The following NELL2 variants were observed in gnomAD, a reference collection of about 807,000 sequenced individuals.
NELL2 encodes protein kinase C-binding protein NELL2.
Under a neutral mutation model 109.6 loss-of-function variants are expected in NELL2, and 41 were observed. That is an observed-to-expected ratio of 0.37 (90% CI 0.29 to 0.49). NELL2 has a LOEUF of 0.49. Among genes scored for constraint, NELL2 ranks in the 20% least tolerant of loss-of-function variants. The pLI is 0.98. For missense variants in NELL2, 900 were observed against 1,008.3 expected, an observed-to-expected ratio of 0.89 and a Z score of 1.45; for synonymous variants, 355 against 344.7, an observed-to-expected ratio of 1.03 and a Z score of -0.33.
chr12:44,679,944 G>A (rs561609576), intron 12 of NELL2, among the ~76,000 whole-genome samples: 2 of 152,104 alleles, frequency 1.3e-5, no homozygotes, highest in Non-Finnish European at 2.9e-5. Context: ...TAGGTATCTT[G>A]GCTGAATCCA....
chr12:44,660,196 G>A (rs1947687419), intron 13 of NELL2, among the ~76,000 whole-genome samples: 1 of 152,112 alleles, frequency 6.6e-6, no homozygotes, highest in Admixed American at 6.6e-5. Context: ...AAATTCAAAG[G>A]GGAACAGGGA....
intron 2 of NELL2, among the ~76,000 whole-genome samples, chr12:44,831,995 C>T (rs916015273): frequency 3.3e-5 from 5 of 152,118 alleles, no homozygotes; most frequent in Non-Finnish European, 7.4e-5. Flanking sequence ...AAATGTTCCC[C>T]GTGGGTCTCA....
At position 44,615,077 on chromosome 12, in the gene NELL2, C is replaced by T. The variant is rs184521357; in HGVS notation, c.1445-4107G>A. On this transcript the variant is annotated intron_variant, in intron 13 of 19. Coordinates refer to ENST00000429094, the MANE Select transcript of NELL2 (RefSeq NM_001145108.2). ...TTAGTTGAAGACATAAGTAAAAAAA[C>T]ACAAAGCTTTAGTAAATGGATTCAT... is the stretch of plus-strand genomic sequence containing the variant. Among the ~76,000 whole-genome samples the T allele has an allele frequency of 1.2e-3, 189 of 152,026 alleles. 1 individual carries two copies. The highest frequency in any genetic ancestry group is 3.3e-3 in the Admixed American group (51 of 15,274).
At chr12:44,800,948 G>C (rs181124900) in intron 3 of NELL2, among the ~76,000 whole-genome samples, 1 of 152,096 alleles carries the variant, frequency 6.6e-6, no homozygotes, top group Non-Finnish European at 1.5e-5. Flanking sequence ...TGCCTCCCCT[G>C]TTGTTCAGTA....
chr12:44,731,190 C>T (rs1001927275), intron 9 of NELL2, among the ~76,000 whole-genome samples: 1 of 152,040 alleles, frequency 6.6e-6, no homozygotes, highest in Non-Finnish European at 1.5e-5. Context: ...TAATGGTAAT[C>T]TTTTTCAAAC....
intron 12 of NELL2, among the ~76,000 whole-genome samples, chr12:44,681,558 C>A (rs891693871): frequency 6.6e-6 from 1 of 151,990 alleles, no homozygotes; most frequent in African/African-American, 2.4e-5. Flanking sequence ...CCAATGCTAT[C>A]CCTCCCCTCT....
chr12:44,564,389 G>A (rs979306534), intron 15 of NELL2, among the ~76,000 whole-genome samples: 24 of 152,112 alleles, frequency 1.6e-4, no homozygotes, highest in African/African-American at 5.8e-4. Flanking sequence ...AAAGCGAAAC[G>A]GTATAAATAC....
intron 2 of NELL2, among the ~76,000 whole-genome samples, chr12:44,839,061 TC>T (rs1403963957): frequency 6.6e-6 from 1 of 152,198 alleles, no homozygotes. Flanking sequence ...CTCCCACACC[TC>T]CCCGCGCACG....
intron 15 of NELL2, among the ~76,000 whole-genome samples, chr12:44,606,473 A>C (rs1286669362): frequency 6.6e-6 from 1 of 152,152 alleles, no homozygotes; most frequent in Non-Finnish European, 1.5e-5. Flanking sequence ...ATGCAACCAA[A>C]ACCACTACTA....
At chr12:44,757,744 T>C (rs1257941853) in intron 9 of NELL2, among the ~76,000 whole-genome samples, 1 of 152,142 alleles carries the variant, frequency 6.6e-6, no homozygotes, top group Non-Finnish European at 1.5e-5. Context: ...TCCTTTTTAA[T>C]ACTGACCTGA....
chr12:44,916,286 G>A (rs144753111), upstream of NELL2, among the ~76,000 whole-genome samples: 95 of 151,842 alleles, frequency 6.3e-4, no homozygotes, highest in African/African-American at 2.2e-3. Context: ...AGTCAAATGA[G>A]GCAAAGAAAA....
intron 12 of NELL2, among the ~76,000 whole-genome samples, chr12:44,670,834 C>G (rs1455165975): frequency 1.3e-5 from 2 of 152,016 alleles, no homozygotes; most frequent in Admixed American, 6.6e-5. Context: ...GAGAGAGACC[C>G]CAATATAACA....
At chr12:44,756,041 C>A (rs190390615) in intron 9 of NELL2, among the ~76,000 whole-genome samples, 1 of 152,132 alleles carries the variant, frequency 6.6e-6, no homozygotes, top group African/African-American at 2.4e-5. Context: ...CCTCTTCTCT[C>A]CAGTAATTCA....
At chr12:44,721,626 T>C (rs1016092884) in intron 9 of NELL2, among the ~76,000 whole-genome samples, 1 of 151,444 alleles carries the variant, frequency 6.6e-6, no homozygotes, top group Non-Finnish European at 1.5e-5. Context: ...CTTTTTTTTT[T>C]CAAAATGCCC....
At chr12:44,745,613 C>G (rs990236171) in intron 9 of NELL2, among the ~76,000 whole-genome samples, 1 of 152,116 alleles carries the variant, frequency 6.6e-6, no homozygotes, top group Non-Finnish European at 1.5e-5. Context: ...TCTCAGGATA[C>G]AAAATCAATG....
intron 2 of NELL2, among the ~76,000 whole-genome samples, chr12:44,825,398 T>G (rs1943678526): frequency 7.4e-6 from 1 of 135,696 alleles, no homozygotes; most frequent in Non-Finnish European, 1.6e-5. Flanking sequence ...TTCCTTTTTT[T>G]TTTTTTTTTT....
intron 3 of NELL2, among the ~76,000 whole-genome samples, chr12:44,811,200 A>T (rs1392088667): frequency 6.6e-6 from 1 of 151,924 alleles, no homozygotes; most frequent in Non-Finnish European, 1.5e-5. Context: ...GGGGAGGGAG[A>T]GCATTAGGAC....
chr12:44,528,052 C>G (rs577035295), intron 16 of NELL2, among the ~76,000 whole-genome samples: 7 of 137,366 alleles, frequency 5.1e-5, no homozygotes, highest in African/African-American at 1.9e-4. Context: ...GAGCCGAGAT[C>G]GCCTCACTGC....
intron 3 of NELL2, among the ~76,000 whole-genome samples, chr12:44,802,391 T>A (rs1225821642): frequency 2.0e-5 from 3 of 151,978 alleles, no homozygotes; most frequent in Admixed American, 1.3e-4. Context: ...AACAGAAGAG[T>A]CATATCAGGA....
Sources: gnomAD v4.1 joint callset for allele counts (sites outside exome capture counted in the v4.1 genomes callset) on GRCh38, gnomAD v4.1.1 for gene constraint, MANE v1.5 for transcripts, NCBI Gene and HGNC (gene_info 2026-07-23, HGNC 2026-07-21) for gene names.